EML4: variants seen among roughly 807,000 people sequenced by gnomAD.
EML4 encodes echinoderm microtubule-associated protein-like 4.
Under a neutral mutation model 129.0 loss-of-function variants are expected in EML4, and 72 were observed. That is an observed-to-expected ratio of 0.56 (90% CI 0.46 to 0.68). The LOEUF (loss-of-function observed/expected upper bound fraction) is 0.68. Among genes scored for constraint, EML4 ranks in the 30% least tolerant of loss-of-function variants. The pLI is 0.00. For synonymous variants in EML4, 532 were observed against 405.0 expected, an observed-to-expected ratio of 1.31 and a Z score of -3.77; for missense variants, 1,363 against 1,190.6, an observed-to-expected ratio of 1.14 and a Z score of -2.13.
At chr2:42,173,313 A>G (rs887301992) in intron 1 of EML4, among the ~76,000 whole-genome samples, 4 of 151,532 alleles carry the variant, frequency 2.6e-5, no homozygotes, top group African/African-American at 9.7e-5. Context: ...TTTTTTTTTT[A>G]AACTTTTTTT....
At chr2:42,174,261 G>A (rs951696366) in intron 1 of EML4, among the ~76,000 whole-genome samples, 1 of 152,024 alleles carries the variant, frequency 6.6e-6, no homozygotes, top group Non-Finnish European at 1.5e-5. Context: ...TATTACCTCA[G>A]TGTGGAAGAT....
intron 1 of EML4, among the ~76,000 whole-genome samples, chr2:42,174,819 T>C (rs937958665): frequency 5.3e-5 from 8 of 152,070 alleles, no homozygotes; most frequent in African/African-American, 1.9e-4. Flanking sequence ...TGGTTTTTTT[T>C]TGTTTGTTTG....
At chr2:42,183,977 C>T (rs1210400174) in intron 1 of EML4, among the ~76,000 whole-genome samples, 1 of 152,100 alleles carries the variant, frequency 6.6e-6, no homozygotes, top group Non-Finnish European at 1.5e-5. Context: ...CCTTCTGGCC[C>T]TCTTTCTTTC....
At chr2:42,202,258 A>G (rs1171503957) in intron 1 of EML4, among the ~76,000 whole-genome samples, 1 of 152,118 alleles carries the variant, frequency 6.6e-6, no homozygotes, top group African/African-American at 2.4e-5. Flanking sequence ...AAGGTATTGT[A>G]GGCCAGGTGC....
intron 1 of EML4, among the ~76,000 whole-genome samples, chr2:42,174,112 C>G (rs747067775): frequency 9.5e-4 from 145 of 152,118 alleles, no homozygotes; most frequent in Non-Finnish European, 1.4e-3. Flanking sequence ...TAGCAAAATA[C>G]TGTATTTTGT....
intron 1 of EML4, among the ~76,000 whole-genome samples, chr2:42,244,211 G>A (rs1675233863): frequency 6.7e-6 from 1 of 149,346 alleles, no homozygotes; most frequent in Non-Finnish European, 1.5e-5. Flanking sequence ...CAATTCTCCT[G>A]CCTCAGCCTC....
At chr2:42,274,601 C>CT (rs1435001041) in intron 6 of EML4, among the ~76,000 whole-genome samples, 1 of 152,108 alleles carries the variant, frequency 6.6e-6, no homozygotes, top group African/African-American at 2.4e-5. Flanking sequence ...ACGATTAATA[C>CT]TTTTTTATAA....
At chr2:42,186,241 C>T (rs890293676) in intron 1 of EML4, among the ~76,000 whole-genome samples, 1 of 151,972 alleles carries the variant, frequency 6.6e-6, no homozygotes. Flanking sequence ...TGCCGAACTA[C>T]GTTACTATGC....
chr2:42,227,296 A>AT (rs1674030990), intron 1 of EML4, among the ~76,000 whole-genome samples: 2 of 151,562 alleles, frequency 1.3e-5, no homozygotes, highest in South Asian at 4.2e-4. Context: ...TTAATTTTTA[A>AT]TTTTGTAGAG....
intron 6 of EML4, among the ~76,000 whole-genome samples, chr2:42,268,152 G>A (rs765548357): frequency 6.6e-6 from 1 of 152,092 alleles, no homozygotes; most frequent in Non-Finnish European, 1.5e-5. Context: ...TCACATTCCT[G>A]GATTCAACCG....
At chr2:42,226,182 A>G (rs1181007155) in intron 1 of EML4, among the ~76,000 whole-genome samples, 2 of 152,068 alleles carry the variant, frequency 1.3e-5, no homozygotes, top group African/African-American at 4.8e-5. Context: ...GATTGAATCT[A>G]TTAGATCTTC....
intron 1 of EML4, among the ~76,000 whole-genome samples, chr2:42,222,144 C>G (rs1030299613): frequency 6.6e-6 from 1 of 151,980 alleles, no homozygotes; most frequent in Non-Finnish European, 1.5e-5. Flanking sequence ...AATTTCTCAG[C>G]CCTATTAATA....
intron 17 of EML4, among the ~76,000 whole-genome samples, chr2:42,309,004 C>G (rs765529792): frequency 3.3e-5 from 5 of 152,166 alleles, no homozygotes; most frequent in Non-Finnish European, 5.9e-5. Flanking sequence ...TTTTTGGCTA[C>G]TATGAATAAT....
At position 42,194,345 on chromosome 2, in the gene EML4, C is replaced by CTT. The variant is rs1249934933; in HGVS notation, c.25+24710_25+24711insTT. Among the ~76,000 whole-genome samples, 3 of 100,898 alleles carry CTT rather than the reference C, an allele frequency of 3.0e-5. No individual in the cohort carries two copies. In the East Asian group the frequency reaches 1.0e-3, roughly 34 times the overall value. 66.2% of individuals were successfully genotyped at this position (100,898 alleles called of 152,430 possible). On this transcript the variant is annotated intron_variant, in intron 1 of 22. Coordinates refer to ENST00000318522, the MANE Select transcript of EML4 (RefSeq NM_019063.5). ...ATCTGTATTTTTCACTTCTCTCTCT[C>CTT]TCTTTTTTTTTTTTTTGCACTGGAT...
At chr2:42,275,530 A>G (rs1468233531) in intron 6 of EML4, among the ~76,000 whole-genome samples, 2 of 152,238 alleles carry the variant, frequency 1.3e-5, no homozygotes, top group Non-Finnish European at 2.9e-5. Flanking sequence ...CAGCCCCAAC[A>G]TTATATGTGT....
chr2:42,288,852 C>G (rs917812126), intron 11 of EML4: 3 of 150,832 alleles, frequency 2.0e-5, no homozygotes, highest in Non-Finnish European at 4.4e-5. Context: ...TCAAGCTGTA[C>G]GTTGTAAGAG....
chr2:42,202,265 G>C (rs1672278663), intron 1 of EML4, among the ~76,000 whole-genome samples: 1 of 152,116 alleles, frequency 6.6e-6, no homozygotes, highest in Non-Finnish European at 1.5e-5. Flanking sequence ...TGTAGGCCAG[G>C]TGCAGTGGCT....
chr2:42,216,230 C>CCTTTTTTTTTTTTTTT (rs1673177607), intron 1 of EML4, among the ~76,000 whole-genome samples: 2 of 43,358 alleles, frequency 4.6e-5, no homozygotes, highest in African/African-American at 2.5e-4. Flanking sequence ...CGGCCCACTT[C>CCTTTTTTTTTTTTTTT]TTTTTTTTTT....
intron 1 of EML4, among the ~76,000 whole-genome samples, chr2:42,240,607 A>G (rs1361585649): frequency 6.6e-6 from 1 of 152,200 alleles, no homozygotes; most frequent in Non-Finnish European, 1.5e-5. Flanking sequence ...ATTCCATGAT[A>G]TTCTATGGTA....
Sources: allele counts gnomAD v4.1 joint callset (sites outside exome capture counted in the v4.1 genomes callset), GRCh38; gene constraint gnomAD v4.1.1; transcripts MANE v1.5; gene names NCBI Gene and HGNC (gene_info 2026-07-23, HGNC 2026-07-21).